The following TBCCD1 variants were observed in gnomAD, a reference collection of about 807,000 sequenced individuals.
The protein encoded by TBCCD1 is TBCC domain containing 1.
A neutral mutation model predicts 53.4 loss-of-function variants in TBCCD1; 26 were observed. The observed-to-expected ratio is 0.49, with a 90% CI of 0.36 to 0.68. TBCCD1 has a LOEUF of 0.68. Among genes scored for constraint, TBCCD1 ranks in the 30% least tolerant of loss-of-function variants. The probability of loss-of-function intolerance (pLI) is 0.00; values close to 1 mark genes in which losing one functional copy is unlikely to be tolerated. For synonymous variants in TBCCD1, 245 were observed against 241.7 expected (o/e 1.01, Z -0.13); for missense variants, 558 against 669.5 (o/e 0.83, Z 1.84).
At chr3:186,557,936 CAGAA>C (rs1714587513) in intron 3 of TBCCD1, among the ~76,000 whole-genome samples, 1 of 152,010 alleles carries the variant, frequency 6.6e-6, no homozygotes, top group Admixed American at 6.6e-5. Context: ...TTTACAAAAA[CAGAA>C]AGAAAAAAGC....
At chr3:186,553,273 G>A (rs1223403673) in intron 6 of TBCCD1, 1 of 152,058 alleles carries the variant, frequency 6.6e-6, no homozygotes, top group East Asian at 1.9e-4. Context: ...TCGTTTCTTG[G>A]CCTTTTGGCT....
At chr3:186,547,235 A>G (rs1714239889) in intron 7 of TBCCD1, among the ~76,000 whole-genome samples, 1 of 151,822 alleles carries the variant, frequency 6.6e-6, no homozygotes, top group Non-Finnish European at 1.5e-5. Context: ...TTTCCTTTGC[A>G]TAATCTCCAT....
chr3:186,568,914 AG>A (rs60219350), upstream of TBCCD1, among the ~76,000 whole-genome samples: 19,597 of 145,306 alleles, frequency 0.13, 1,811 homozygotes, highest in African/African-American at 0.23. Context: ...GGAAAAAAAA[AG>A]AAATAAAGAA....
upstream of TBCCD1, chr3:186,567,541 G>C (rs891843930): frequency 6.6e-6 from 1 of 152,290 alleles, no homozygotes; most frequent in Non-Finnish European, 1.5e-5. Context: ...TTTCAACCCG[G>C]GGGGGTAGGA....
chr3:186,555,191 C>G (rs1402569082), intron 4 of TBCCD1, 107 bp from the exon 5 acceptor site: 1 of 1,060,330 alleles, frequency 9.4e-7, no homozygotes, highest in African/African-American at 1.6e-5. Context: ...AATTAGATAC[C>G]ACATGTAGGG....
intron 3 of TBCCD1, 31 bp downstream of exon 3, chr3:186,558,386 T>G (rs1301671572): frequency 1.3e-6 from 2 of 1,599,824 alleles, no homozygotes; most frequent in Non-Finnish European, 1.7e-6. Flanking sequence ...ATTGTCCCTT[T>G]TAGAGAATGA....
chr3:186,564,504 C>A, intron 1 of TBCCD1, 132 bp from the exon 2 acceptor site: 1 of 584,702 alleles, frequency 1.7e-6, no homozygotes, highest in Non-Finnish European at 2.9e-6. Flanking sequence ...AGCTCTAGTT[C>A]ACCAACCAAG....
chr3:186,568,330 A>G (rs969806504), upstream of TBCCD1, among the ~76,000 whole-genome samples: 36 of 152,160 alleles, frequency 2.4e-4, no homozygotes, highest in African/African-American at 8.7e-4. Context: ...GGAATAAAAT[A>G]AGATAATTTC....
intron 7 of TBCCD1, 34 bp from the exon 8 acceptor site, chr3:186,546,989 TAATTTTC>T (rs1481615444): frequency 2.0e-5 from 3 of 152,142 alleles, no homozygotes; most frequent in Non-Finnish European, 4.4e-5. Context: ...ATTAATCACT[TAATTTTC>T]TATTGCTTCA....
intron 4 of TBCCD1, 142 bp from the exon 5 acceptor site, chr3:186,555,226 G>T: frequency 1.5e-6 from 1 of 677,550 alleles, no homozygotes; most frequent in Non-Finnish European, 2.3e-6. Flanking sequence ...TCTGGGCTTT[G>T]GATAGAGGTA....
rs1714867281 is a variant in TBCCD1 at position 186,567,307 on chromosome 3, C to G, written c.-84G>C. 6.5e-6 allele frequency: 1 copy of G among 152,904 alleles called. No individual in the cohort carries two copies. Among genetic ancestry groups the G allele is most frequent in the South Asian group, 2.1e-4 (1 of 4,870 alleles). The allele number at this position is 152,904 out of a possible 1,614,324, so 9.5% of individuals were successfully genotyped here. The stretch of plus-strand genomic sequence containing the variant: ...CCGCTCCGCCGCACTTCTCCGCGCG[C>G]CGCCGCGCCCGGCGTCCGCTCGCTG... On this transcript the variant is annotated 5_prime_UTR_variant, in exon 1 of 8. Transcript: ENST00000338733.
chr3:186,554,055 C>T (rs1317934502), intron 6 of TBCCD1, among the ~76,000 whole-genome samples, 199 bp downstream of exon 6: 4 of 152,202 alleles, frequency 2.6e-5, no homozygotes, highest in Non-Finnish European at 5.9e-5. Context: ...ACCATGTTGG[C>T]TAGGCTGGTC....
At position 186,556,606 on chromosome 3, in the gene TBCCD1, C is replaced by T. The variant is rs1270393289; in HGVS notation, c.662G>A (p.Ser221Asn). Residue 221 changes from serine to asparagine, a missense_variant, in exon 4 of 8, where the codon AGT becomes AAT. Ser to Asn is a conservative substitution (Grantham distance 46). Coordinates refer to ENST00000338733, the MANE Select transcript of TBCCD1 (RefSeq NM_018138.5). ...ALSFLIEGTI[S>N]RARKIYPLHE... ...AAGTGGATAGATCTTCCTGGCTCTA[C>T]TTATTGTACCTTCAATAAGGAAGCT... The T allele has an allele frequency of 1.2e-6, 2 of 1,614,166 alleles. No homozygotes were observed. Among genetic ancestry groups the T allele is most frequent in the Non-Finnish European group, 8.5e-7 (1 of 1,180,028 alleles).
chr3:186,547,409 C>T (rs1490136934), intron 7 of TBCCD1, among the ~76,000 whole-genome samples: 1 of 151,754 alleles, frequency 6.6e-6, no homozygotes, highest in Admixed American at 6.6e-5. Flanking sequence ...GCATGTGCCA[C>T]CATGCTCAGC....
chr3:186,563,918 C>A, intron 2 of TBCCD1, 76 bp downstream of exon 2: 2 of 1,466,472 alleles, frequency 1.4e-6, no homozygotes, highest in Non-Finnish European at 1.8e-6. Context: ...TTGTAATAAG[C>A]AAAAACATTT....
chr3:186,556,103 GTTTATT>G (rs1714532633), intron 4 of TBCCD1, among the ~76,000 whole-genome samples: 1 of 151,754 alleles, frequency 6.6e-6, no homozygotes, highest in Non-Finnish European at 1.5e-5. Context: ...AACATTTCTT[GTTTATT>G]TTTATTACAT....
At chr3:186,565,073 C>T (rs1283812774) in intron 1 of TBCCD1, among the ~76,000 whole-genome samples, 1 of 149,176 alleles carries the variant, frequency 6.7e-6, no homozygotes, top group Non-Finnish European at 1.5e-5. Flanking sequence ...TAAAGGGCAA[C>T]AAATTAATAT....
At chr3:186,564,454 T>A (rs1270388232) in intron 1 of TBCCD1, 82 bp from the exon 2 acceptor site, 1 of 861,276 alleles carries the variant, frequency 1.2e-6, no homozygotes, top group Non-Finnish European at 1.7e-6. Flanking sequence ...CCCCTCTCTC[T>A]CAACTGTGTC....
chr3:186,552,863 G>A (rs1209191609), intron 6 of TBCCD1, among the ~76,000 whole-genome samples: 1 of 152,142 alleles, frequency 6.6e-6, no homozygotes, highest in Non-Finnish European at 1.5e-5. Flanking sequence ...TTTGGTCAGA[G>A]GGCAGTGATT....
Sources: allele counts gnomAD v4.1 joint callset (sites outside exome capture counted in the v4.1 genomes callset), GRCh38; gene constraint gnomAD v4.1.1; transcripts MANE v1.5; gene names NCBI Gene and HGNC (gene_info 2026-07-23, HGNC 2026-07-21).